The following CPLX4 variants were observed in gnomAD, a reference collection of about 807,000 sequenced individuals.
CPLX4 encodes the protein complexin-4.
In CPLX4, 17 loss-of-function variants were observed where a neutral mutation model predicts 16.1. The observed-to-expected ratio is 1.06, with a 90% CI of 0.72 to 1.59. The LOEUF is 1.59. CPLX4 is among the 40% of genes most tolerant of loss of function. CPLX4 has a pLI of 0.00. For synonymous variants in CPLX4, 55 were observed against 57.8 expected (o/e 0.95, Z 0.22); for missense variants, 193 against 192.9 (o/e 1.00, Z 0.00).
chr18:59,316,166 C>A (rs36111007), intron 1 of CPLX4, among the ~76,000 whole-genome samples: 32,514 of 152,006 alleles, frequency 0.21, 4,260 homozygotes, highest in African/African-American at 0.38. Flanking sequence ...GAGAAAATGG[C>A]GGGAGAAACA....
rs11284122 is a variant in CPLX4 at position 59,317,820 on chromosome 18, G to GT, written c.167+475dup. 5.3e-3 allele frequency among the ~76,000 whole-genome samples: 739 copies of GT among 140,232 alleles called. 3 individuals carry two copies. Among genetic ancestry groups the GT allele is most frequent in the East Asian group, 7.4e-3 (36 of 4,852 alleles). The allele number at this position is 140,232 out of a possible 152,430, so 92.0% of individuals were successfully genotyped here. ...ATAATTGTCATGTTATGCTTCCTGG[G>GT]TTTTTTTTTTTTTTCTCACATGCAA... On this transcript the variant is annotated intron_variant, in intron 1 of 2. Coordinates refer to ENST00000299721, the MANE Select transcript of CPLX4 (RefSeq NM_181654.4).
In CPLX4 at chr18:59,296,643, A is replaced by T; in HGVS notation, c.*55T>A. Reference sequence around the variant, plus strand: ...CATGTACTGCTTGAAACGTCCCACAAGAGAGTGGTCTTTTCCAAGGATGGC... The same window carrying T: ...CATGTACTGCTTGAAACGTCCCACATGAGAGTGGTCTTTTCCAAGGATGGC... On this transcript the variant is annotated 3_prime_UTR_variant, in exon 3 of 3. Transcript: ENST00000299721. The T allele has an allele frequency of 6.3e-7, 1 of 1,593,310 alleles. No homozygotes were observed. Among genetic ancestry groups the T allele is most frequent in the Non-Finnish European group, 8.6e-7 (1 of 1,166,032 alleles).
In CPLX4 at chr18:59,296,665, T is replaced by C; in HGVS notation, c.*33A>G. 6.2e-7 allele frequency: 1 copy of C among 1,606,738 alleles called. No homozygotes were observed. Among genetic ancestry groups the C allele is most frequent in the Admixed American group, 1.7e-5 (1 of 59,448 alleles). The stretch of plus-strand genomic sequence containing the variant: ...ACAAGAGAGTGGTCTTTTCCAAGGA[T>C]GGCTGGTTCCCTCCCTCCACCCCTC... On this transcript the variant is annotated 3_prime_UTR_variant, in exon 3 of 3. Coordinates refer to ENST00000299721, the MANE Select transcript of CPLX4 (RefSeq NM_181654.4).
intron 2 of CPLX4, among the ~76,000 whole-genome samples, chr18:59,311,521 G>A (rs2070616696): frequency 6.6e-6 from 1 of 152,140 alleles, no homozygotes; most frequent in Non-Finnish European, 1.5e-5. Flanking sequence ...GAAGGAATTG[G>A]TTTAGCAGCA....
At chr18:59,299,364 TG>T (rs1441824873) in intron 2 of CPLX4, among the ~76,000 whole-genome samples, 1 of 152,182 alleles carries the variant, frequency 6.6e-6, no homozygotes, top group African/African-American at 2.4e-5. Flanking sequence ...CCGGGAATTC[TG>T]GCCCCTTCCC....
chr18:59,312,812 G>T, intron 1 of CPLX4, 40 bp from the exon 2 acceptor site: 1 of 913,362 alleles, frequency 1.1e-6, no homozygotes. Flanking sequence ...GATACAGAGA[G>T]CTAAGGACAT....
chr18:59,298,620 TAA>T (rs900014808), intron 2 of CPLX4, among the ~76,000 whole-genome samples: 7 of 149,444 alleles, frequency 4.7e-5, no homozygotes, highest in African/African-American at 1.7e-4. Flanking sequence ...GAGGTGGAGT[TAA>T]AGACAGCACC....
At chr18:59,298,189 A>C (rs1384598724) in intron 2 of CPLX4, among the ~76,000 whole-genome samples, 3 of 151,956 alleles carry the variant, frequency 2.0e-5, no homozygotes, top group Non-Finnish European at 4.4e-5. Context: ...TCCTGGGCTC[A>C]AGCAATCCTT....
intron 1 of CPLX4, among the ~76,000 whole-genome samples, chr18:59,316,220 G>A (rs2070650144): frequency 6.6e-6 from 1 of 151,880 alleles, no homozygotes. Flanking sequence ...TTTATGTTTA[G>A]ACCTCTTTCA....
chr18:59,296,748 T>G lies in CPLX4; in HGVS notation c.433A>C (p.Thr145Pro). The G allele has an allele frequency of 6.2e-7, 1 of 1,613,222 alleles. No homozygotes were observed. Among genetic ancestry groups the G allele is most frequent in the Non-Finnish European group, 8.5e-7 (1 of 1,179,730 alleles). Residue 145 changes from threonine (T) to proline (P), a missense_variant, in exon 3 of 3, where the codon ACC becomes CCC. By Grantham distance (38) the Thr-to-Pro change is conservative (BLOSUM62 -1). Coordinates refer to ENST00000299721, the MANE Select transcript of CPLX4 (RefSeq NM_181654.4). The stretch of plus-strand genomic sequence containing the variant: ...GCTGTCTGCTTGATTTCAGTGAAGG[T>G]GGCCTGGGCTTTTTCTTTTATGGTA... The part of the protein sequence containing the change: ...LDTIKEKAQA[T>P]FTEIKQTAEQ...
intron 2 of CPLX4, among the ~76,000 whole-genome samples, chr18:59,304,851 T>A (rs111535398): frequency 0.13 from 20,164 of 151,936 alleles, 1,532 homozygotes; most frequent in Non-Finnish European, 0.17. Context: ...ATTACAGGGG[T>A]GAGCCACTGC....
intron 2 of CPLX4, among the ~76,000 whole-genome samples, chr18:59,308,675 C>T (rs1053760972): frequency 1.3e-5 from 2 of 152,108 alleles, no homozygotes; most frequent in African/African-American, 4.8e-5. Flanking sequence ...CAGGGGGCGC[C>T]GGCGTCGAGG....
intron 2 of CPLX4, among the ~76,000 whole-genome samples, chr18:59,308,091 G>A (rs1568106082): frequency 6.6e-6 from 1 of 152,132 alleles, no homozygotes; most frequent in East Asian, 1.9e-4. Flanking sequence ...CTCTAAGGAT[G>A]GCTTTCTAAA....
chr18:59,299,643 T>C (rs1328532528), intron 2 of CPLX4, among the ~76,000 whole-genome samples: 1 of 152,214 alleles, frequency 6.6e-6, no homozygotes, highest in African/African-American at 2.4e-5. Context: ...CAAGGGTGAC[T>C]CTGAGGTTCG....
rs2070504173 is a variant in CPLX4 at position 59,296,753 on chromosome 18, T to C, written c.428A>G (p.Gln143Arg). The C allele has an allele frequency of 6.2e-7, 1 of 1,611,800 alleles. No homozygotes were observed. The highest frequency in any genetic ancestry group is 1.3e-5 in the African/African-American group (1 of 74,772). ...MDLDTIKEKA[Q>R]ATFTEIKQTA... ...CTGCTTGATTTCAGTGAAGGTGGCC[T>C]GGGCTTTTTCTTTTATGGTATCCAA... Residue 143 changes from glutamine to arginine, a missense_variant, in exon 3 of 3, where the codon CAG (glutamine) becomes CGG (arginine). Transcript: ENST00000299721.
chr18:59,299,081 T>A (rs1477779922), intron 2 of CPLX4, among the ~76,000 whole-genome samples: 1 of 152,254 alleles, frequency 6.6e-6, no homozygotes, highest in Non-Finnish European at 1.5e-5. Context: ...GCCCTCCAAG[T>A]GCTTAACGGA....
chr18:59,298,864 T>C (rs2070520741), intron 2 of CPLX4, among the ~76,000 whole-genome samples: 1 of 152,228 alleles, frequency 6.6e-6, no homozygotes, highest in Non-Finnish European at 1.5e-5. Context: ...GGCTCTCTTC[T>C]TTGATTCGGT....
intron 2 of CPLX4, among the ~76,000 whole-genome samples, chr18:59,300,918 G>A (rs957915519): frequency 2.6e-5 from 4 of 152,178 alleles, no homozygotes; most frequent in Admixed American, 6.5e-5. Flanking sequence ...TCTATTCTAG[G>A]AGAAAGCTAC....
At chr18:59,301,707 A>T (rs142150332) in intron 2 of CPLX4, among the ~76,000 whole-genome samples, 137 of 152,340 alleles carry the variant, frequency 9.0e-4, no homozygotes, top group African/African-American at 3.1e-3. Context: ...CTCCTTTGTA[A>T]AAAGTTGCAG....
Sources: allele counts gnomAD v4.1 joint callset (sites outside exome capture counted in the v4.1 genomes callset), GRCh38; gene constraint gnomAD v4.1.1; transcripts MANE v1.5; gene names NCBI Gene and HGNC (gene_info 2026-07-23, HGNC 2026-07-21).